Variants in BICC1 observed in about 807,000 individuals in gnomAD.
BICC1 encodes the protein protein bicaudal C homolog 1.
Under a neutral mutation model 111.0 loss-of-function variants are expected in BICC1, and 43 were observed. The observed-to-expected ratio is 0.39, with a 90% CI of 0.30 to 0.50. The LOEUF is 0.50. Ranked by LOEUF, BICC1 falls within the 20% of genes least tolerant of loss-of-function variation. The probability of loss-of-function intolerance (pLI) is 0.88; values close to 1 mark genes in which losing one functional copy is unlikely to be tolerated. For synonymous variants in BICC1, 467 were observed against 434.4 expected, an observed-to-expected ratio of 1.07 and a Z score of -0.93; for missense variants, 1,091 against 1,203.2, an observed-to-expected ratio of 0.91 and a Z score of 1.38.
chr10:58,592,666 G>A (rs1047278562), intron 1 of BICC1, among the ~76,000 whole-genome samples: 10 of 151,060 alleles, frequency 6.6e-5, no homozygotes, highest in Middle Eastern at 6.8e-3. Context: ...AGTGAGCCAA[G>A]ATCATGCTAC....
intron 1 of BICC1, among the ~76,000 whole-genome samples, chr10:58,560,017 A>C (rs1252437885): frequency 1.3e-5 from 2 of 148,660 alleles, no homozygotes; most frequent in Non-Finnish European, 3.0e-5. Flanking sequence ...TTTGGCTTGC[A>C]GTATTCTTTT....
At chr10:58,640,318 TTATAA>T (rs1838085134) in intron 2 of BICC1, among the ~76,000 whole-genome samples, 2 of 152,166 alleles carry the variant, frequency 1.3e-5, no homozygotes, top group African/African-American at 4.8e-5. Flanking sequence ...GAAACCAAAG[TTATAA>T]TAGAGTGTTT....
chr10:58,641,595 TAGAG>T (rs1388487952), intron 2 of BICC1, among the ~76,000 whole-genome samples: 1 of 152,176 alleles, frequency 6.6e-6, no homozygotes, highest in African/African-American at 2.4e-5. Context: ...TGACTAGTCT[TAGAG>T]AGATTAATCA....
chr10:58,532,089 G>A (rs962312091), intron 1 of BICC1, among the ~76,000 whole-genome samples: 1 of 151,770 alleles, frequency 6.6e-6, no homozygotes, highest in Admixed American at 6.6e-5. Context: ...AAGGACTACA[G>A]TCATGATGAA....
intron 2 of BICC1, among the ~76,000 whole-genome samples, chr10:58,633,203 C>A (rs1837851280): frequency 1.3e-5 from 2 of 152,184 alleles, no homozygotes; most frequent in African/African-American, 4.8e-5. Context: ...TGACTTTGCT[C>A]CCCATTTGCC....
At chr10:58,558,504 TG>T (rs1360206814) in intron 1 of BICC1, among the ~76,000 whole-genome samples, 1 of 152,128 alleles carries the variant, frequency 6.6e-6, no homozygotes, top group Non-Finnish European at 1.5e-5. Flanking sequence ...CGGCATGCTT[TG>T]TTGCTTGTTC....
chr10:58,547,220 A>G (rs932967342), intron 1 of BICC1, among the ~76,000 whole-genome samples: 4 of 152,066 alleles, frequency 2.6e-5, no homozygotes, highest in East Asian at 1.9e-4. Flanking sequence ...CTGGGACTCT[A>G]TCCAGAATAT....
intron 3 of BICC1, among the ~76,000 whole-genome samples, chr10:58,719,905 C>T (rs1201543223): frequency 1.3e-5 from 2 of 152,186 alleles, no homozygotes; most frequent in Non-Finnish European, 1.5e-5. Flanking sequence ...ACATAAATAC[C>T]TCTTGCAGAA....
chr10:58,818,490 G>C (rs1321181172), intron 19 of BICC1, among the ~76,000 whole-genome samples: 1 of 152,116 alleles, frequency 6.6e-6, no homozygotes, highest in Non-Finnish European at 1.5e-5. Context: ...TTTTATGTTA[G>C]AGAACATCTG....
intron 1 of BICC1, among the ~76,000 whole-genome samples, chr10:58,597,649 A>G (rs957496997): frequency 3.9e-5 from 6 of 152,050 alleles, no homozygotes; most frequent in African/African-American, 1.4e-4. Context: ...TCTCAACCAC[A>G]TAAGACAGAC....
At chr10:58,532,688 A>G (rs1412421738) in intron 1 of BICC1, among the ~76,000 whole-genome samples, 1 of 151,996 alleles carries the variant, frequency 6.6e-6, no homozygotes, top group East Asian at 1.9e-4. Flanking sequence ...AGCAATGGCC[A>G]AACACCATAG....
Position 58,744,469 on chromosome 10 carries a change from CTT to C in BICC1, c.308-40530_308-40529del, listed in dbSNP as rs546071139. Among the ~76,000 whole-genome samples, 12 of 151,788 alleles carry C rather than the reference CTT, an allele frequency of 7.9e-5. No individual in the cohort carries two copies. In the South Asian group the frequency reaches 2.3e-3, roughly 29 times the overall value. On this transcript the variant is annotated intron_variant, in intron 3 of 20. Transcript: ENST00000373886. ...TAGCTTTCATGCATGCATTTTAAAA[CTT>C]TGTTAAAAAATTAGAATGAGGTGCC...
chr10:58,695,038 G>C (rs1240034797), intron 2 of BICC1, among the ~76,000 whole-genome samples: 1 of 152,132 alleles, frequency 6.6e-6, no homozygotes, highest in African/African-American at 2.4e-5. Flanking sequence ...AATTTTCACA[G>C]CTATACAGTA....
intron 2 of BICC1, among the ~76,000 whole-genome samples, chr10:58,680,412 C>T (rs1030645966): frequency 6.6e-6 from 1 of 152,158 alleles, no homozygotes; most frequent in Non-Finnish European, 1.5e-5. Flanking sequence ...CATAAGTGAA[C>T]TCCCATTCAC....
chr10:58,620,988 C>T, intron 2 of BICC1, 87 bp downstream of exon 2: 2 of 1,146,600 alleles, frequency 1.7e-6, no homozygotes, highest in Non-Finnish European at 2.5e-6. Flanking sequence ...CCGAACGCTC[C>T]CCTTCATGTG....
chr10:58,604,658 A>C (rs1010357733), intron 1 of BICC1, among the ~76,000 whole-genome samples: 4 of 152,182 alleles, frequency 2.6e-5, no homozygotes, highest in African/African-American at 9.7e-5. Context: ...GGGGGAAAAA[A>C]TAAAATAAAA....
intron 1 of BICC1, among the ~76,000 whole-genome samples, chr10:58,519,732 C>T (rs1842340479): frequency 6.6e-6 from 1 of 152,134 alleles, no homozygotes; most frequent in Non-Finnish European, 1.5e-5. Context: ...AGGAAACCAA[C>T]TCTGATCATC....
At chr10:58,692,967 C>A (rs866726954) in intron 2 of BICC1, among the ~76,000 whole-genome samples, 60 of 151,860 alleles carry the variant, frequency 4.0e-4, no homozygotes, top group African/African-American at 1.4e-3. Flanking sequence ...CCCATTAGCT[C>A]GTCATTTAGC....
chr10:58,682,922 C>T (rs1465678486), intron 2 of BICC1, among the ~76,000 whole-genome samples: 3 of 152,110 alleles, frequency 2.0e-5, no homozygotes, highest in East Asian at 1.9e-4. Context: ...CTTTTGTTGC[C>T]ATTGCTTTGG....
Sources: allele counts gnomAD v4.1 joint callset (sites outside exome capture counted in the v4.1 genomes callset), GRCh38; gene constraint gnomAD v4.1.1; transcripts MANE v1.5; gene names NCBI Gene and HGNC (gene_info 2026-07-23, HGNC 2026-07-21).